Variants in PBX3 observed in about 807,000 individuals in gnomAD.
PBX3 encodes the protein PBX homeobox 3.
PBX3 carries 14 observed loss-of-function variants against 48.5 expected under a neutral mutation model. The observed-to-expected ratio is 0.29, with a 90% CI of 0.19 to 0.45. The LOEUF (loss-of-function observed/expected upper bound fraction) is 0.45, where lower values mean the gene tolerates loss of function less well. Ranked by LOEUF, PBX3 falls within the 20% of genes least tolerant of loss-of-function variation. The pLI is 1.00. For missense variants in PBX3, 386 were observed against 546.7 expected (o/e 0.71, Z 2.93); for synonymous variants, 210 against 200.3 (o/e 1.05, Z -0.41).
intron 5 of PBX3, among the ~76,000 whole-genome samples, chr9:125,941,558 G>A (rs987028463): frequency 2.6e-5 from 4 of 152,228 alleles, no homozygotes; most frequent in African/African-American, 9.6e-5. Context: ...TGGATAAATT[G>A]TGAAGGTACA....
At chr9:125,933,118 C>A (rs1224478221) in intron 4 of PBX3, among the ~76,000 whole-genome samples, 2 of 152,200 alleles carry the variant, frequency 1.3e-5, no homozygotes, top group Non-Finnish European at 2.9e-5. Flanking sequence ...CAAGTGAATG[C>A]AAATACTGAG....
chr9:125,872,249 A>G (rs1311567179), intron 2 of PBX3, among the ~76,000 whole-genome samples: 1 of 152,256 alleles, frequency 6.6e-6, no homozygotes, highest in African/African-American at 2.4e-5. Context: ...ATATCTTACC[A>G]CAGCACATGT....
intron 2 of PBX3, among the ~76,000 whole-genome samples, chr9:125,849,690 T>C (rs1839524339): frequency 6.6e-6 from 1 of 151,972 alleles, no homozygotes; most frequent in African/African-American, 2.4e-5. Flanking sequence ...GTCTTAGATT[T>C]GATGAAATAT....
rs149707621 is a variant in PBX3, at chr9:125,920,526, T to C, written c.516+4599T>C. Among the ~76,000 whole-genome samples, 1,084 of 152,316 alleles carry C rather than the reference T, an allele frequency of 7.1e-3. 3 individuals are homozygous for C. Among genetic ancestry groups the C allele is most frequent in the Non-Finnish European group, 0.011 (760 of 68,014 alleles). ...TTGTTCTCAGTTAAAAAGGAAAAGA[T>C]ATATAATGCTCTGTGCAGCTCTCCC... On this transcript the variant is annotated intron_variant, in intron 3 of 8. Transcript: ENST00000373489.
At chr9:125,805,286 A>G (rs1838093403) in intron 2 of PBX3, among the ~76,000 whole-genome samples, 1 of 151,788 alleles carries the variant, frequency 6.6e-6, no homozygotes, top group African/African-American at 2.4e-5. Flanking sequence ...TTGGGATTAG[A>G]GTGTAGTGTG....
intron 2 of PBX3, among the ~76,000 whole-genome samples, chr9:125,877,623 T>C (rs574506503): frequency 6.6e-6 from 1 of 152,328 alleles, no homozygotes; most frequent in Admixed American, 6.5e-5. Flanking sequence ...TCCCAAGTTA[T>C]CAATATAGTC....
intron 5 of PBX3, among the ~76,000 whole-genome samples, chr9:125,943,838 A>C (rs1842013390): frequency 6.6e-6 from 1 of 152,186 alleles, no homozygotes; most frequent in Admixed American, 6.5e-5. Flanking sequence ...TGAAGAGATG[A>C]GGGAAGGGTC....
chr9:125,758,237 A>G (rs1836572902), intron 2 of PBX3, among the ~76,000 whole-genome samples: 2 of 152,042 alleles, frequency 1.3e-5, no homozygotes, highest in South Asian at 4.1e-4. Flanking sequence ...AATAAAGGAA[A>G]TATTTCTTAC....
rs1288753247 is a variant in PBX3, at chr9:125,960,822, A to T, written c.982A>T (p.Thr328Ser). The change falls in exon 6 of 9, where the codon ACC becomes TCC. Residue 328 changes from threonine to serine, a missense_variant. This residue lies in a region of PBX3 where 127 missense variants were observed against 143.3 expected (regional missense o/e 0.89). Coordinates refer to ENST00000373489, the MANE Select transcript of PBX3 (RefSeq NM_006195.6). Reference protein sequence around the residue: ...AVAAAVQNNQTNSPTTPNSGS... With the variant: ...AVAAAVQNNQSNSPTTPNSGS... ...AGCAGCAGCTGTGCAGAACAACCAG[A>T]CCAATTCGCCCACCACACCAAATTC... 1.7e-5 allele frequency: 28 copies of T among 1,613,874 alleles called. No homozygotes were observed. Among genetic ancestry groups the T allele is most frequent in the Non-Finnish European group, 2.3e-5 (27 of 1,179,928 alleles).
intron 2 of PBX3, among the ~76,000 whole-genome samples, chr9:125,868,381 A>T (rs555240614): frequency 1.1e-4 from 16 of 152,344 alleles, no homozygotes; most frequent in Non-Finnish European, 1.9e-4. Flanking sequence ...ATATGGGTAG[A>T]TTGAATGTGC....
At chr9:125,890,538 A>T (rs1256954124) in intron 2 of PBX3, among the ~76,000 whole-genome samples, 1 of 152,226 alleles carries the variant, frequency 6.6e-6, no homozygotes, top group Admixed American at 6.5e-5. Flanking sequence ...TTAAATACGG[A>T]CACCATAGAA....
Position 125,862,663 on chromosome 9 carries a change from G to A in PBX3, c.275-53023G>A, listed in dbSNP as rs184547796. 4.6e-3 allele frequency among the ~76,000 whole-genome samples: 693 copies of A among 152,186 alleles called. 9 individuals are homozygous for A. The highest frequency in any genetic ancestry group is 0.016 in the African/African-American group (666 of 41,512). On this transcript the variant is annotated intron_variant, in intron 2 of 8. Coordinates refer to ENST00000373489, the MANE Select transcript of PBX3 (RefSeq NM_006195.6). ...GACTCCCAAAGTGCTGGGATTACAG[G>A]TGTGAGCCACTGCCCCTGGCCAGTG... is the stretch of plus-strand genomic sequence containing the variant.
chr9:125,836,702 A>T (rs1261610305), intron 2 of PBX3, among the ~76,000 whole-genome samples: 2 of 152,232 alleles, frequency 1.3e-5, no homozygotes, highest in African/African-American at 4.8e-5. Context: ...GTTTAAGATG[A>T]TGGATATTCT....
chr9:125,946,833 C>T (rs1472583232), intron 5 of PBX3, among the ~76,000 whole-genome samples: 1 of 152,092 alleles, frequency 6.6e-6, no homozygotes, highest in East Asian at 1.9e-4. Flanking sequence ...TTCCAAAACC[C>T]ATAGCAAATT....
intron 2 of PBX3, among the ~76,000 whole-genome samples, chr9:125,862,607 G>A (rs1165855620): frequency 6.6e-6 from 1 of 152,012 alleles, no homozygotes; most frequent in Admixed American, 6.5e-5. Flanking sequence ...GGATGATCTC[G>A]ATCTCCTGAC....
At chr9:125,908,547 A>G (rs145526427) in intron 2 of PBX3, among the ~76,000 whole-genome samples, 154 of 128,878 alleles carry the variant, frequency 1.2e-3, no homozygotes, top group African/African-American at 4.4e-3. Context: ...ATGGAAGTCC[A>G]GATGTAGACT....
chr9:125,797,820 T>G (rs575184145), intron 2 of PBX3, among the ~76,000 whole-genome samples: 1 of 152,236 alleles, frequency 6.6e-6, no homozygotes, highest in Admixed American at 6.5e-5. Context: ...TAAGGAAAAT[T>G]TAATATGCTT....
At chr9:125,894,617 C>T (rs1447949234) in intron 2 of PBX3, among the ~76,000 whole-genome samples, 1 of 152,004 alleles carries the variant, frequency 6.6e-6, no homozygotes, top group Non-Finnish European at 1.5e-5. Flanking sequence ...TCAATTCATG[C>T]CTACAGCCAT....
chr9:125,793,366 A>AAAATATATAT (rs59271982), intron 2 of PBX3, among the ~76,000 whole-genome samples: 10 of 101,938 alleles, frequency 9.8e-5, no homozygotes, highest in African/African-American at 2.5e-4. Context: ...GGAAAAAAAA[A>AAAATATATAT]ATATATATAT....
Sources: gnomAD v4.1 joint callset for allele counts (sites outside exome capture counted in the v4.1 genomes callset) on GRCh38, gnomAD v4.1.1 for gene constraint, gnomAD v4.1.1 regional missense constraint, MANE v1.5 for transcripts, NCBI Gene and HGNC (gene_info 2026-07-23, HGNC 2026-07-21) for gene names.